Variants in AVL9 observed in about 807,000 individuals in gnomAD.
AVL9 encodes the protein late secretory pathway protein AVL9 homolog.
AVL9 carries 49 observed loss-of-function variants against 79.2 expected under a neutral mutation model. That is an observed-to-expected ratio of 0.62 (90% CI 0.49 to 0.79). The LOEUF (loss-of-function observed/expected upper bound fraction) is 0.79, where lower values mean the gene tolerates loss of function less well. Among genes scored for constraint, AVL9 ranks in the 30% least tolerant of loss-of-function variants. AVL9 has a pLI of 0.00. For missense variants in AVL9, 682 were observed against 776.8 expected, an observed-to-expected ratio of 0.88 and a Z score of 1.45; for synonymous variants, 299 against 280.6, an observed-to-expected ratio of 1.07 and a Z score of -0.65.
intron 1 of AVL9, among the ~76,000 whole-genome samples, chr7:32,522,970 C>G (rs2128124672): frequency 6.6e-6 from 1 of 152,076 alleles, no homozygotes; most frequent in South Asian, 2.1e-4. Flanking sequence ...CTTTTGCCTC[C>G]CGCCATAATT....
intron 1 of AVL9, among the ~76,000 whole-genome samples, chr7:32,503,225 C>T (rs564892486): frequency 1.3e-5 from 2 of 151,206 alleles, no homozygotes; most frequent in South Asian, 4.2e-4. Flanking sequence ...CTGTAAATCC[C>T]AGCACTTTGG....
intron 11 of AVL9, 38 bp downstream of exon 11, chr7:32,570,192 C>A: frequency 1.2e-6 from 2 of 1,610,058 alleles, no homozygotes; most frequent in South Asian, 1.1e-5. Context: ...TGGCCCTGCT[C>A]ATCCCAGTTT....
At chr7:32,554,044 G>A (rs750131768) in intron 7 of AVL9, among the ~76,000 whole-genome samples, 2 of 152,066 alleles carry the variant, frequency 1.3e-5, no homozygotes, top group Non-Finnish European at 2.9e-5. Flanking sequence ...CAATTTCATC[G>A]ATCATGAGAT....
chr7:32,539,757 G>A (rs1052242047), intron 1 of AVL9, among the ~76,000 whole-genome samples: 26 of 152,284 alleles, frequency 1.7e-4, no homozygotes, highest in African/African-American at 3.4e-4. Context: ...TAAAATCAAG[G>A]TGTTGGCTGG....
chr7:32,507,587 A>G (rs1436030933), intron 1 of AVL9, among the ~76,000 whole-genome samples: 3 of 152,028 alleles, frequency 2.0e-5, no homozygotes, highest in African/African-American at 7.2e-5. Flanking sequence ...CTGTGGTTTC[A>G]TTTCTTCTCA....
rs1375438402 is a variant in AVL9 at position 32,559,272 on chromosome 7, C to G, written c.1023C>G (p.Asp341Glu). The G allele has an allele frequency of 1.9e-6, 3 of 1,614,158 alleles. No homozygotes were observed. In the African/African-American group the frequency reaches 4.0e-5, roughly 22 times the overall value. The change falls in exon 10 of 16, where the codon GAC becomes GAG. Residue 341 changes from aspartate (D) to glutamate (E), a missense_variant. Physicochemically the swap from Asp to Glu is conservative, Grantham distance 45. Transcript: ENST00000318709. ...CTTTGGATCCTAGTGTCTTAGAGGA[C>G]CCCAACTTGAAAGAAAGGGAACAGC... ...WETLDPSVLEDPNLKEREQLG... is the reference protein window; with the variant it reads ...WETLDPSVLEEPNLKEREQLG...
intron 11 of AVL9, among the ~76,000 whole-genome samples, chr7:32,572,646 C>CA (rs1171939046): frequency 2.7e-5 from 4 of 147,310 alleles, no homozygotes; most frequent in South Asian, 4.2e-4. Context: ...ACTAAAAATA[C>CA]AAAAAATTAG....
chr7:32,557,649 A>G (rs992756847), intron 8 of AVL9, among the ~76,000 whole-genome samples: 32 of 152,118 alleles, frequency 2.1e-4, no homozygotes, highest in Admixed American at 1.5e-3. Context: ...AGTTAGTAGT[A>G]TTGGTGATGT....
chr7:32,548,434 C>A (rs1159234883), intron 3 of AVL9, among the ~76,000 whole-genome samples: 1 of 152,164 alleles, frequency 6.6e-6, no homozygotes, highest in Non-Finnish European at 1.5e-5. Flanking sequence ...AGGCTTGAGC[C>A]ATTGCTCTTG....
intron 10 of AVL9, 125 bp from the exon 11 acceptor site, chr7:32,569,895 T>A (rs758580053): frequency 1.2e-6 from 1 of 843,426 alleles, no homozygotes; most frequent in African/African-American, 1.7e-5. Flanking sequence ...AGTCAAAGAT[T>A]AGCTGACTTA....
intron 10 of AVL9, among the ~76,000 whole-genome samples, chr7:32,568,816 C>T (rs1250954437): frequency 6.6e-6 from 1 of 152,038 alleles, no homozygotes; most frequent in Non-Finnish European, 1.5e-5. Flanking sequence ...AAATATAATA[C>T]TGATTCTGAA....
chr7:32,564,634 G>C (rs1285139792), intron 10 of AVL9, among the ~76,000 whole-genome samples: 1 of 152,136 alleles, frequency 6.6e-6, no homozygotes, highest in Non-Finnish European at 1.5e-5. Context: ...ACTTGAACTT[G>C]CCTGAGGTTG....
At chr7:32,551,011 A>G (rs1274298912) in intron 4 of AVL9, among the ~76,000 whole-genome samples, 2 of 152,100 alleles carry the variant, frequency 1.3e-5, no homozygotes, top group African/African-American at 4.8e-5. Flanking sequence ...AAGAGGTACT[A>G]TTTTCATATG....
chr7:32,566,945 T>C (rs1195290445), intron 10 of AVL9, among the ~76,000 whole-genome samples: 1 of 152,226 alleles, frequency 6.6e-6, no homozygotes, highest in Non-Finnish European at 1.5e-5. Context: ...ATTTCAAGTA[T>C]TGTTCTGTTT....
At chr7:32,544,876 G>T in intron 3 of AVL9, 97 bp downstream of exon 3, 1 of 834,642 alleles carries the variant, frequency 1.2e-6, no homozygotes, top group Admixed American at 2.8e-5. Flanking sequence ...CTGTAATGTT[G>T]TTTTAGATTT....
chr7:32,584,186 G>C lies in AVL9; in HGVS notation c.*279G>C. 2 of 419,156 alleles carry C rather than the reference G, an allele frequency of 4.8e-6. No homozygotes were observed. The highest frequency in any genetic ancestry group is 8.9e-6 in the Non-Finnish European group (2 of 225,034). 26.0% of individuals were successfully genotyped at this position (419,156 alleles called of 1,614,324 possible). ...AACCTTCTAATGAATTTTGAGTTCT[G>C]ATATTGTACATTGGTTTACTTTAGA... is the stretch of plus-strand genomic sequence containing the variant. On this transcript the variant is annotated 3_prime_UTR_variant, in exon 16 of 16. Transcript: ENST00000318709.
intron 3 of AVL9, among the ~76,000 whole-genome samples, chr7:32,548,599 A>C (rs1007263473): frequency 6.6e-6 from 1 of 152,146 alleles, no homozygotes; most frequent in Non-Finnish European, 1.5e-5. Flanking sequence ...CCATGAGATT[A>C]TAAATTCCTT....
chr7:32,588,232 G>T lies in AVL9; in HGVS notation c.*4325G>T, dbSNP rs1791883245. ...AACATTTCAGTTAGGTACTGAGCCA[G>T]AAAAGGTAATTGAAGTTTTCAGAAA... is the stretch of plus-strand genomic sequence containing the variant. On this transcript the variant is annotated 3_prime_UTR_variant, in exon 16 of 16. Coordinates refer to ENST00000318709, the MANE Select transcript of AVL9 (RefSeq NM_015060.3). The T allele has an allele frequency of 1.3e-5, 2 of 152,166 alleles. No individual in the cohort carries two copies. Among genetic ancestry groups the T allele is most frequent in the Non-Finnish European group, 2.9e-5 (2 of 68,026 alleles). The allele number at this position is 152,166 out of a possible 1,614,324, so 9.4% of individuals were successfully genotyped here. A position where few individuals can be genotyped will look rare whatever the true frequency, so the allele number is the denominator to read the frequency against.
intron 1 of AVL9, among the ~76,000 whole-genome samples, chr7:32,503,406 A>ACACACACAC (rs1424274246): frequency 4.1e-5 from 6 of 145,818 alleles, no homozygotes; most frequent in Non-Finnish European, 6.0e-5. Flanking sequence ...ACACACACAC[A>ACACACACAC]AATTAGCCGG....
Sources: gnomAD v4.1 joint callset for allele counts (sites outside exome capture counted in the v4.1 genomes callset) on GRCh38, gnomAD v4.1.1 for gene constraint, MANE v1.5 for transcripts, NCBI Gene and HGNC (gene_info 2026-07-23, HGNC 2026-07-21) for gene names.